Variants in TUSC3 observed in about 807,000 individuals in gnomAD.
TUSC3 encodes dolichyl-diphosphooligosaccharide--protein glycosyltransferase subunit TUSC3.
Under a neutral mutation model 44.8 loss-of-function variants are expected in TUSC3, and 45 were observed. The ratio of observed to expected loss-of-function variants is 1.00; its 90% CI spans 0.79 to 1.29. The LOEUF (loss-of-function observed/expected upper bound fraction) is 1.29. Ranked by LOEUF, TUSC3 falls within the 50% of genes most tolerant of loss-of-function variation. The pLI is 0.00. For synonymous variants in TUSC3, 212 were observed against 152.9 expected (o/e 1.39, Z -2.85); for missense variants, 519 against 437.9 (o/e 1.19, Z -1.65).
rs549560113 is a variant in TUSC3, at chr8:15,611,924, G to A, written c.139-11156G>A. On this transcript the variant is annotated intron_variant, in intron 1 of 10. Transcript: ENST00000503731. ...TTTTCTACTAAATGCAAAACGATAT[G>A]CATCTGGCTGCTCATGTTTGGTTTA... Among the ~76,000 whole-genome samples the A allele has an allele frequency of 4.6e-5, 7 of 152,290 alleles. No homozygotes were observed. The South Asian group carries it at 8.3e-4, about 18-fold the overall frequency.
rs570616104 is a variant in TUSC3 at position 15,658,700 on chromosome 8, A to G, written c.427-807A>G. Among the ~76,000 whole-genome samples, 8 of 151,626 alleles carry G rather than the reference A, an allele frequency of 5.3e-5. No homozygotes were observed. In the East Asian group the frequency reaches 1.6e-3, roughly 29 times the overall value. On this transcript the variant is annotated intron_variant, in intron 3 of 10. Coordinates refer to ENST00000503731, the MANE Select transcript of TUSC3 (RefSeq NM_006765.4). Reference sequence around the variant, plus strand: ...ACACATACAATATATATACACATACAATATATATACACATATATACAAATA... The same window carrying G: ...ACACATACAATATATATACACATACGATATATATACACATATATACAAATA...
chr8:15,604,794 C>G (rs1804448024), intron 1 of TUSC3, among the ~76,000 whole-genome samples: 1 of 141,220 alleles, frequency 7.1e-6, no homozygotes, highest in Non-Finnish European at 1.6e-5. Flanking sequence ...ACTTAATAGC[C>G]CTACATTTTT....
chr8:15,520,472 A>G (rs1005279035), intron 2 of TUSC3, among the ~76,000 whole-genome samples: 1 of 152,222 alleles, frequency 6.6e-6, no homozygotes, highest in African/African-American at 2.4e-5. Flanking sequence ...ATTGTTGGTC[A>G]TGGTTAGCTT....
chr8:15,468,503 GTC>G (rs112946472), intron 1 of TUSC3, among the ~76,000 whole-genome samples: 2 of 152,224 alleles, frequency 1.3e-5, no homozygotes, highest in African/African-American at 4.8e-5. Flanking sequence ...GTGATTAGAT[GTC>G]TGTTTCCCTC....
At chr8:15,596,685 T>C (rs1275688911) in intron 1 of TUSC3, among the ~76,000 whole-genome samples, 2 of 152,142 alleles carry the variant, frequency 1.3e-5, no homozygotes, top group Non-Finnish European at 2.9e-5. Context: ...TTTTATTTAA[T>C]TGATTTATAA....
At chr8:15,587,626 A>T (rs1425343667) in intron 1 of TUSC3, among the ~76,000 whole-genome samples, 2 of 152,086 alleles carry the variant, frequency 1.3e-5, no homozygotes, top group East Asian at 3.9e-4. Flanking sequence ...ATTTATTGTT[A>T]ACTGTATTTA....
intron 2 of TUSC3, among the ~76,000 whole-genome samples, chr8:15,495,435 C>A (rs917063125): frequency 6.6e-6 from 1 of 152,050 alleles, no homozygotes; most frequent in Admixed American, 6.5e-5. Context: ...GTTCACATAC[C>A]CAGTGAACCC....
chr8:15,810,870 G>A, the TUSC3 span, among the ~76,000 whole-genome samples: 3 of 152,092 alleles, frequency 2.0e-5, no homozygotes, highest in Non-Finnish European at 2.9e-5. Context: ...ACATTTACCA[G>A]TATATACACC....
intron 6 of TUSC3, among the ~76,000 whole-genome samples, chr8:15,698,510 A>G (rs1045565015): frequency 2.6e-5 from 4 of 152,202 alleles, no homozygotes; most frequent in African/African-American, 9.6e-5. Flanking sequence ...TGCTTTTCCC[A>G]TTATATGAGA....
chr8:15,828,839 T>G, the TUSC3 span, among the ~76,000 whole-genome samples: 2 of 152,194 alleles, frequency 1.3e-5, no homozygotes, highest in Admixed American at 6.5e-5. Context: ...TTTCTTTGTG[T>G]GTCAAACCTT....
intron 1 of TUSC3, among the ~76,000 whole-genome samples, chr8:15,435,008 G>C (rs1321966877): frequency 6.7e-6 from 1 of 148,524 alleles, no homozygotes; most frequent in African/African-American, 2.6e-5. Context: ...GTGTGCATGT[G>C]TCTTTATAGC....
chr8:15,490,893 A>G (rs1168678579), intron 2 of TUSC3, among the ~76,000 whole-genome samples: 1 of 152,178 alleles, frequency 6.6e-6, no homozygotes, highest in African/African-American at 2.4e-5. Flanking sequence ...AAGGTTAAGG[A>G]CACACCTAGG....
chr8:15,527,271 T>C (rs1317690070), intron 2 of TUSC3, among the ~76,000 whole-genome samples: 2 of 152,086 alleles, frequency 1.3e-5, no homozygotes, highest in Non-Finnish European at 1.5e-5. Context: ...GGCTGGAGTA[T>C]AGTGGAACAA....
At chr8:15,657,387 T>C (rs934629222) in intron 3 of TUSC3, among the ~76,000 whole-genome samples, 8 of 152,226 alleles carry the variant, frequency 5.3e-5, no homozygotes, top group Non-Finnish European at 1.0e-4. Context: ...TCCTCGTTGA[T>C]TGCTTTTAAG....
intron 1 of TUSC3, among the ~76,000 whole-genome samples, chr8:15,541,405 T>G (rs2129132840): frequency 6.6e-6 from 1 of 152,346 alleles, no homozygotes; most frequent in East Asian, 1.9e-4. Context: ...TGGACCATTT[T>G]GGTGAGAGTT....
intron 6 of TUSC3, among the ~76,000 whole-genome samples, chr8:15,725,069 T>C (rs904098504): frequency 6.6e-6 from 1 of 152,224 alleles, no homozygotes; most frequent in African/African-American, 2.4e-5. Context: ...TTATAAATGG[T>C]TCTTTTTAAA....
chr8:15,600,495 A>G (rs538862881), intron 1 of TUSC3, among the ~76,000 whole-genome samples: 2 of 151,774 alleles, frequency 1.3e-5, no homozygotes, highest in South Asian at 2.1e-4. Flanking sequence ...TCCTTGGTAC[A>G]TTTTTATCAT....
chr8:15,736,824 A>G (rs1719140757), intron 7 of TUSC3, among the ~76,000 whole-genome samples: 5 of 152,188 alleles, frequency 3.3e-5, no homozygotes, highest in Admixed American at 3.3e-4. Flanking sequence ...GTAGACAGTA[A>G]TGTTCCCACT....
At chr8:15,679,316 T>C (rs1040318995) in intron 6 of TUSC3, among the ~76,000 whole-genome samples, 1 of 152,116 alleles carries the variant, frequency 6.6e-6, no homozygotes, top group Non-Finnish European at 1.5e-5. Flanking sequence ...TGGGAAATGG[T>C]GTCTCATTGT....
Sources: gnomAD v4.1 joint callset for allele counts (sites outside exome capture counted in the v4.1 genomes callset) on GRCh38, gnomAD v4.1.1 for gene constraint, MANE v1.5 for transcripts, NCBI Gene and HGNC (gene_info 2026-07-23, HGNC 2026-07-21) for gene names.